ADAMTS8: variants seen among roughly 807,000 people sequenced by gnomAD.
ADAMTS8 encodes the protein A disintegrin and metalloproteinase with thrombospondin motifs 8.
ADAMTS8 carries 50 observed loss-of-function variants against 64.4 expected under a neutral mutation model. The ratio of observed to expected loss-of-function variants is 0.78; its 90% CI spans 0.62 to 0.98. ADAMTS8 has a LOEUF of 0.98. Among genes scored for constraint, ADAMTS8 ranks in the 50% least tolerant of loss-of-function variants. ADAMTS8 has a pLI of 0.00. For missense variants in ADAMTS8, 1,192 were observed against 1,208.2 expected, an observed-to-expected ratio of 0.99 and a Z score of 0.20; for synonymous variants, 556 against 533.6, an observed-to-expected ratio of 1.04 and a Z score of -0.58.
At position 130,411,546 on chromosome 11, in the gene ADAMTS8, T is replaced by G; in HGVS notation, c.1621A>C (p.Thr541Pro). The change falls in exon 6 of 9, where the codon ACC (threonine) becomes CCC (proline). Residue 541 changes from threonine (T) to proline (P), a missense_variant. Thr to Pro is a conservative substitution (Grantham distance 38). Around this residue, in one of 5 missense-constraint regions of ADAMTS8, gnomAD observed 290 missense variants for 297.8 expected, o/e 0.97. Coordinates refer to ENST00000257359, the MANE Select transcript of ADAMTS8 (RefSeq NM_007037.6). This position sits in a 1 kb window ranked among gnomAD's most constrained non-coding sequence, Gnocchi z 4.2. ...GAAAACTGTACTCCTCCTCCACAGGTCCGAGAACATTCTCCCCAGGGTCCC... is the reference window on the plus strand; with the variant it reads ...GAAAACTGTACTCCTCCTCCACAGGGCCGAGAACATTCTCCCCAGGGTCCC... ...PWGPWGECSR[T>P]CGGGVQFSHR... 2 of 1,614,080 alleles carry G rather than the reference T, an allele frequency of 1.2e-6. No homozygotes were observed. Among genetic ancestry groups the G allele is most frequent in the Non-Finnish European group, 1.7e-6 (2 of 1,180,008 alleles).
chr11:130,414,122 C>CT (rs143297278), intron 5 of ADAMTS8, among the ~76,000 whole-genome samples: 1,533 of 129,724 alleles, frequency 0.012, 30 homozygotes, highest in African/African-American at 0.031. Flanking sequence ...AGTTTCTTTT[C>CT]TTTTTTTTTT....
At chr11:130,418,165 A>G (rs1862052334) in intron 2 of ADAMTS8, among the ~76,000 whole-genome samples, 1 of 151,644 alleles carries the variant, frequency 6.6e-6, no homozygotes, top group Non-Finnish European at 1.5e-5. Flanking sequence ...TGGGTGACAG[A>G]GCGAGACCTT....
At chr11:130,425,746 G>T (rs1037221345) in intron 1 of ADAMTS8, among the ~76,000 whole-genome samples, 1 of 152,054 alleles carries the variant, frequency 6.6e-6, no homozygotes, top group African/African-American at 2.4e-5. Context: ...GACTACAGGC[G>T]CCCACCACCA....
chr11:130,421,245 C>T (rs892480834), intron 1 of ADAMTS8, among the ~76,000 whole-genome samples: 2 of 152,196 alleles, frequency 1.3e-5, no homozygotes, highest in African/African-American at 4.8e-5. Flanking sequence ...GCAGTGCTCA[C>T]ATCCTCAGTG....
chr11:130,411,843 T>C lies in ADAMTS8; in HGVS notation c.1567-243A>G. 1.9e-6 allele frequency: 1 copy of C among 521,848 alleles called. No individual in the cohort carries two copies. The highest frequency in any genetic ancestry group is 3.4e-6 in the Non-Finnish European group (1 of 294,526). 32.3% of individuals were successfully genotyped at this position (521,848 alleles called of 1,614,324 possible). A position where few individuals can be genotyped will look rare whatever the true frequency, so the allele number is the denominator to read the frequency against. On this transcript the variant is annotated intron_variant, in intron 5 of 8. Coordinates refer to ENST00000257359, the MANE Select transcript of ADAMTS8 (RefSeq NM_007037.6). The surrounding 1 kb of genome is among the most constrained non-coding windows in gnomAD (Gnocchi z 4.2). ...CAGTGTCTAAAACAGTGCCTTATGC[T>C]TAGTAAGGTGCTCAATAGGCTATCT...
At chr11:130,425,603 C>CTTTTCT (rs1555075299) in intron 1 of ADAMTS8, among the ~76,000 whole-genome samples, 4 of 138,746 alleles carry the variant, frequency 2.9e-5, no homozygotes, top group African/African-American at 1.1e-4. Context: ...TTTCTTTTTT[C>CTTTTCT]TTTTTTTTTT....
At position 130,416,022 on chromosome 11, in the gene ADAMTS8, G is replaced by A; in HGVS notation, c.1264+141C>T. ...CAGAAGAGCAGACTTCGGGGGTGGT[G>A]TGAATGCCCCAGCGTGGGAGGCTGG... On this transcript the variant is annotated intron_variant, in intron 4 of 8. Transcript: ENST00000257359. This position sits in a 1 kb window ranked among gnomAD's most constrained non-coding sequence, Gnocchi z 4.8. The A allele has an allele frequency of 1.0e-6, 1 of 998,480 alleles. No homozygotes were observed. Among genetic ancestry groups the A allele is most frequent in the Admixed American group, 2.9e-5 (1 of 34,310 alleles). The allele number at this position is 998,480 out of a possible 1,614,324, so 61.9% of individuals were successfully genotyped here. A position where few individuals can be genotyped will look rare whatever the true frequency, so the allele number is the denominator to read the frequency against.
At chr11:130,420,485 C>T (rs1565379455) in intron 1 of ADAMTS8, among the ~76,000 whole-genome samples, 1 of 152,034 alleles carries the variant, frequency 6.6e-6, no homozygotes, top group African/African-American at 2.4e-5. Flanking sequence ...TTGGGCAGCA[C>T]CTGCTTGCCC....
In ADAMTS8 at chr11:130,408,838, G is replaced by A; in HGVS notation, c.1853C>T (p.Ser618Phe). The change falls in exon 7 of 9, where the codon TCC becomes TTC. Residue 618 changes from serine (S) to phenylalanine (F), a missense_variant. By Grantham distance (155) the Ser-to-Phe change is radical. This residue lies in a region of ADAMTS8 where 290 missense variants were observed against 297.8 expected (regional missense o/e 0.97). Coordinates refer to ENST00000257359, the MANE Select transcript of ADAMTS8 (RefSeq NM_007037.6). ...GAACAACTTGCAGCGGTCCCGGGGGGACACCCCAGCATACTTGGGGACCCA... is the reference window on the plus strand; with the variant it reads ...GAACAACTTGCAGCGGTCCCGGGGGAACACCCCAGCATACTTGGGGACCCA... ...LQWVPKYAGV[S>F]PRDRCKLFCR... is the part of the protein sequence containing the mutation. 1.2e-6 allele frequency: 2 copies of A among 1,613,796 alleles called. No individual in the cohort carries two copies. The highest frequency in any genetic ancestry group is 2.2e-5 in the East Asian group (1 of 44,864).
At position 130,414,769 on chromosome 11, in the gene ADAMTS8, A is replaced by G. The variant is rs768543402; in HGVS notation, c.1328T>C (p.Met443Thr). Residue 443 changes from methionine to threonine, a missense_variant, in exon 5 of 9, where the codon ATG becomes ACG. This residue lies in a region of ADAMTS8 where 741 missense variants were observed against 710.6 expected (regional missense o/e 1.04). Coordinates refer to ENST00000257359, the MANE Select transcript of ADAMTS8 (RefSeq NM_007037.6). ...LPLPTGLPGR[M>T]ALYQLDQQCR... ...CTGCTGGTCCAGCTGGTACAGGGCC[A>G]TGCGGCCCGGGAGGCCTGTGGGGAG... The G allele has an allele frequency of 2.0e-5, 32 of 1,613,248 alleles. No homozygotes were observed. The highest frequency in any genetic ancestry group is 4.0e-5 in the African/African-American group (3 of 74,948).
In ADAMTS8 at chr11:130,417,118, G is replaced by T. The variant is rs747674008; in HGVS notation, c.961-43C>A. On this transcript the variant is annotated intron_variant, in intron 2 of 8. Transcript: ENST00000257359. ...AGCAAGAGAGTGCATCAGTGTGTGT[G>T]TGGGGTGCGCTGCAGGCCTGCAGGG... 4.3e-6 allele frequency: 7 copies of T among 1,610,298 alleles called. No homozygotes were observed. The South Asian group carries it at 6.6e-5, about 15-fold the overall frequency.
At chr11:130,422,896 T>C (rs1255147579) in intron 1 of ADAMTS8, among the ~76,000 whole-genome samples, 1 of 152,200 alleles carries the variant, frequency 6.6e-6, no homozygotes, top group African/African-American at 2.4e-5. Flanking sequence ...GCAACTCTAG[T>C]AATAGCCATG....
At chr11:130,420,400 C>G (rs1212260814) in intron 1 of ADAMTS8, among the ~76,000 whole-genome samples, 1 of 152,148 alleles carries the variant, frequency 6.6e-6, no homozygotes, top group Non-Finnish European at 1.5e-5. Context: ...CTTGAAGTGG[C>G]CCTCTTTGAG....
rs906341140 is a variant in ADAMTS8 at position 130,428,434 on chromosome 11, C to A, written c.-148G>T. 9.5e-7 allele frequency: 1 copy of A among 1,053,780 alleles called. No individual in the cohort carries two copies. The highest frequency in any genetic ancestry group is 1.1e-6 in the Non-Finnish European group (1 of 876,614). The allele number at this position is 1,053,780 out of a possible 1,614,324, so 65.3% of individuals were successfully genotyped here. On this transcript the variant is annotated 5_prime_UTR_variant, in exon 1 of 9. Coordinates refer to ENST00000257359, the MANE Select transcript of ADAMTS8 (RefSeq NM_007037.6). ...GGCCGACTCGGCCCGCGGGGCCCGG[C>A]GGCGGGAGCGCTCCCCCGGCGGCCC... is the stretch of plus-strand genomic sequence containing the variant.
chr11:130,415,153 G>A (rs1306910278), intron 4 of ADAMTS8, among the ~76,000 whole-genome samples: 1 of 152,226 alleles, frequency 6.6e-6, no homozygotes, highest in Non-Finnish European at 1.5e-5. Flanking sequence ...GAAAGCCACA[G>A]CATGCAAATG....
chr11:130,414,166 C>T (rs1861989366), intron 5 of ADAMTS8, among the ~76,000 whole-genome samples: 1 of 150,466 alleles, frequency 6.6e-6, no homozygotes, highest in Admixed American at 6.6e-5. Flanking sequence ...CTCTGTTGCC[C>T]AGGCTAGAGT....
chr11:130,408,754 A>C lies in ADAMTS8; in HGVS notation c.1923+14T>G, dbSNP rs1465101735. 6.2e-7 allele frequency: 1 copy of C among 1,613,946 alleles called. No individual in the cohort carries two copies. ...CTCCCCATCTCTGGATCTGAGTCCC[A>C]GGGTGATTCTCACCTTGGCCTCGAA... On this transcript the variant is annotated intron_variant, in intron 7 of 8. Coordinates refer to ENST00000257359, the MANE Select transcript of ADAMTS8 (RefSeq NM_007037.6).
intron 1 of ADAMTS8, among the ~76,000 whole-genome samples, chr11:130,426,674 T>C (rs1435970837): frequency 6.6e-6 from 1 of 152,184 alleles, no homozygotes; most frequent in Non-Finnish European, 1.5e-5. Flanking sequence ...GTCAGCACCA[T>C]CTTTGCATCT....
Position 130,408,571 on chromosome 11 carries a change from G to A in ADAMTS8, c.1992C>T (p.Ala664=), listed in dbSNP as rs371305326. 4.3e-5 allele frequency: 69 copies of A among 1,614,128 alleles called. No individual in the cohort carries two copies. Among genetic ancestry groups the A allele is most frequent in the South Asian group, 1.8e-4 (16 of 91,074 alleles). Reference sequence around the variant, plus strand: ...GCGAGTCCACCACATGGTCACAGCCGGCCTTGACACACTGGCCACGGACAC... The same window carrying A: ...GCGAGTCCACCACATGGTCACAGCCAGCCTTGACACACTGGCCACGGACAC... ...AICVRGQCVK[A]GCDHVVDSPR... is the part of the protein sequence containing the mutation. Residue 664 remains alanine (A), a synonymous_variant, in exon 8 of 9, where the codon GCC becomes GCT. Transcript: ENST00000257359.
Sources: gnomAD v4.1 joint callset for allele counts (sites outside exome capture counted in the v4.1 genomes callset) on GRCh38, gnomAD v4.1.1 for gene constraint, gnomAD v4.1.1 regional missense constraint, Gnocchi (gnomAD v3.1) non-coding constraint, MANE v1.5 for transcripts, NCBI Gene and HGNC (gene_info 2026-07-23, HGNC 2026-07-21) for gene names.